The following FAF1 variants were observed in gnomAD, a reference collection of about 807,000 sequenced individuals.
FAF1 encodes the protein FAS-associated factor 1.
Under a neutral mutation model 92.5 loss-of-function variants are expected in FAF1, and 25 were observed. That is an observed-to-expected ratio of 0.27 (90% CI 0.20 to 0.38). FAF1 has a LOEUF of 0.38. Ranked by LOEUF, FAF1 falls within the 10% of genes least tolerant of loss-of-function variation. FAF1 has a pLI of 1.00. For synonymous variants in FAF1, 234 were observed against 273.2 expected (o/e 0.86, Z 1.42); for missense variants, 636 against 793.3 (o/e 0.80, Z 2.38).
chr1:50,834,656 T>C (rs2124637071), intron 2 of FAF1, among the ~76,000 whole-genome samples: 1 of 152,232 alleles, frequency 6.6e-6, no homozygotes, highest in East Asian at 1.9e-4. Context: ...AATATAAAAG[T>C]CACAACAACC....
intron 15 of FAF1, among the ~76,000 whole-genome samples, chr1:50,496,909 T>C (rs1646906112): frequency 6.6e-6 from 1 of 151,124 alleles, no homozygotes; most frequent in African/African-American, 2.4e-5. Flanking sequence ...AAAAAAGTTA[T>C]CTCTGGGATA....
At chr1:50,786,478 A>G (rs1169911542) in intron 4 of FAF1, among the ~76,000 whole-genome samples, 2 of 152,238 alleles carry the variant, frequency 1.3e-5, no homozygotes, top group African/African-American at 2.4e-5. Flanking sequence ...TTGCTATCCA[A>G]TGGGTACAGA....
intron 7 of FAF1, among the ~76,000 whole-genome samples, chr1:50,702,854 T>C (rs1657529203): frequency 6.6e-6 from 1 of 152,134 alleles, no homozygotes; most frequent in Admixed American, 6.6e-5. Context: ...AGTTCTATTT[T>C]CTAACTCAGT....
chr1:50,637,001 A>G (rs1424398106), intron 8 of FAF1, among the ~76,000 whole-genome samples: 2 of 152,150 alleles, frequency 1.3e-5, no homozygotes, highest in African/African-American at 4.8e-5. Context: ...TTAACAGCAC[A>G]TACATATGGA....
intron 1 of FAF1, among the ~76,000 whole-genome samples, chr1:50,930,032 A>G (rs1437546788): frequency 6.6e-6 from 1 of 152,224 alleles, no homozygotes; most frequent in East Asian, 1.9e-4. Flanking sequence ...CCAATGATCT[A>G]TGCCACTCAT....
chr1:50,809,856 T>C (rs539420695), intron 2 of FAF1, among the ~76,000 whole-genome samples: 17 of 152,338 alleles, frequency 1.1e-4, no homozygotes, highest in African/African-American at 3.8e-4. Context: ...TGAACACAGA[T>C]GCAAATATCC....
At chr1:50,629,004 C>A (rs535468138) in intron 8 of FAF1, among the ~76,000 whole-genome samples, 6 of 152,120 alleles carry the variant, frequency 3.9e-5, no homozygotes, top group Non-Finnish European at 8.8e-5. Flanking sequence ...TAGCCTTCAG[C>A]TCATAGGGTT....
intron 13 of FAF1, among the ~76,000 whole-genome samples, chr1:50,565,060 G>T (rs1456431730): frequency 1.3e-5 from 2 of 151,724 alleles, no homozygotes; most frequent in Non-Finnish European, 2.9e-5. Flanking sequence ...TGGTGTCATG[G>T]GTGTTTGTTT....
At chr1:50,529,237 T>C (rs1039347805) in intron 15 of FAF1, among the ~76,000 whole-genome samples, 16 of 152,182 alleles carry the variant, frequency 1.1e-4, no homozygotes, top group African/African-American at 3.9e-4. Context: ...TGTTGAGCCA[T>C]GATCCATTTT....
chr1:50,627,801 T>C (rs1653577410), intron 8 of FAF1, among the ~76,000 whole-genome samples: 1 of 151,798 alleles, frequency 6.6e-6, no homozygotes, highest in Non-Finnish European at 1.5e-5. Flanking sequence ...ACATTCATGA[T>C]TTGTGTATTT....
intron 7 of FAF1, among the ~76,000 whole-genome samples, chr1:50,692,126 G>A (rs374934369): frequency 1.3e-5 from 2 of 152,098 alleles, no homozygotes; most frequent in African/African-American, 4.8e-5. Context: ...TGAGATGGGA[G>A]GATCAATGGA....
At chr1:50,494,833 C>T (rs1024753637) in intron 15 of FAF1, among the ~76,000 whole-genome samples, 2 of 152,140 alleles carry the variant, frequency 1.3e-5, no homozygotes, top group African/African-American at 4.8e-5. Flanking sequence ...ATTATCAGTG[C>T]TCAACAGTTA....
At chr1:50,746,269 TATATATATATATATATATA>T (rs1557506447) in intron 4 of FAF1, among the ~76,000 whole-genome samples, 13 of 21,516 alleles carry the variant, frequency 6.0e-4, no homozygotes, top group African/African-American at 1.5e-3. Flanking sequence ...TATATATATA[TATATATATATATATATATA>T]TATATTTTTT....
At chr1:50,744,203 T>C in intron 5 of FAF1, among the ~76,000 whole-genome samples, 1 of 152,204 alleles carries the variant, frequency 6.6e-6, no homozygotes, top group East Asian at 1.9e-4. Context: ...CCTGCCACTA[T>C]CCAAGTCAAC....
At chr1:50,552,041 T>A (rs1161737716) in intron 13 of FAF1, among the ~76,000 whole-genome samples, 1 of 152,084 alleles carries the variant, frequency 6.6e-6, no homozygotes, top group Non-Finnish European at 1.5e-5. Context: ...ATGCTCATAA[T>A]CCCAGCACTT....
chr1:50,928,798 A>AAAAC (rs1645026207), intron 1 of FAF1, among the ~76,000 whole-genome samples: 1 of 143,742 alleles, frequency 7.0e-6, no homozygotes, highest in African/African-American at 2.6e-5. Flanking sequence ...AAAAAAAAAA[A>AAAAC]AAAACTAGGG....
At chr1:50,747,981 C>T (rs1030369717) in intron 4 of FAF1, among the ~76,000 whole-genome samples, 5 of 152,184 alleles carry the variant, frequency 3.3e-5, no homozygotes, top group Non-Finnish European at 5.9e-5. Flanking sequence ...TGTTGCCATG[C>T]TTCCTGTATA....
intron 15 of FAF1, among the ~76,000 whole-genome samples, chr1:50,519,713 A>G (rs1328525178): frequency 6.6e-6 from 1 of 152,182 alleles, no homozygotes; most frequent in African/African-American, 2.4e-5. Flanking sequence ...CCCTAACTTA[A>G]TTATGATGTG....
At chr1:50,761,815 CAT>C (rs1660339480) in intron 4 of FAF1, among the ~76,000 whole-genome samples, 1 of 152,212 alleles carries the variant, frequency 6.6e-6, no homozygotes, top group East Asian at 1.9e-4. Context: ...TCCTATTCAA[CAT>C]AGTGTTGGAA....
Sources: allele counts gnomAD v4.1 joint callset (sites outside exome capture counted in the v4.1 genomes callset), GRCh38; gene constraint gnomAD v4.1.1; transcripts MANE v1.5; gene names NCBI Gene and HGNC (gene_info 2026-07-23, HGNC 2026-07-21).